Variants in IST1 observed in about 807,000 individuals in gnomAD.
IST1 encodes IST1 factor associated with ESCRT-III.
Under a neutral mutation model 37.0 loss-of-function variants are expected in IST1, and 23 were observed. The ratio of observed to expected loss-of-function variants is 0.62; its 90% CI spans 0.45 to 0.88. The LOEUF (loss-of-function observed/expected upper bound fraction) is 0.88. Among genes scored for constraint, IST1 ranks in the 40% least tolerant of loss-of-function variants. IST1 has a pLI of 0.00. For missense variants in IST1, 488 were observed against 445.4 expected, an observed-to-expected ratio of 1.10 and a Z score of -0.86; for synonymous variants, 180 against 161.7, an observed-to-expected ratio of 1.11 and a Z score of -0.86.
intron 4 of IST1, among the ~76,000 whole-genome samples, chr16:71,919,284 A>C (rs1361576457): frequency 6.6e-6 from 1 of 152,216 alleles, no homozygotes; most frequent in Non-Finnish European, 1.5e-5. Context: ...GGCTGATTGC[A>C]GGCTTGAGAA....
chr16:71,923,892 G>A (rs951729238), intron 8 of IST1, among the ~76,000 whole-genome samples: 4 of 151,870 alleles, frequency 2.6e-5, no homozygotes, highest in Non-Finnish European at 5.9e-5. Context: ...ATAATACCTC[G>A]AACTGTAGGT....
At chr16:71,908,394 A>G (rs2037276870) in intron 1 of IST1, among the ~76,000 whole-genome samples, 1 of 118,332 alleles carries the variant, frequency 8.5e-6, no homozygotes, top group Non-Finnish European at 1.6e-5. Context: ...CCGCCTCCCC[A>G]GTTCAAGCGA....
At chr16:71,906,988 C>T (rs944861453) in intron 1 of IST1, among the ~76,000 whole-genome samples, 1 of 152,046 alleles carries the variant, frequency 6.6e-6, no homozygotes, top group African/African-American at 2.4e-5. Context: ...AGAGATCGTG[C>T]CACTACACTC....
intron 1 of IST1, among the ~76,000 whole-genome samples, chr16:71,904,537 C>T (rs1337316032): frequency 6.6e-6 from 1 of 152,190 alleles, no homozygotes; most frequent in Non-Finnish European, 1.5e-5. Flanking sequence ...TTCAGTCCCC[C>T]CGAGTAGCTG....
At chr16:71,901,549 A>G (rs943067771) in intron 1 of IST1, among the ~76,000 whole-genome samples, 6 of 152,280 alleles carry the variant, frequency 3.9e-5, no homozygotes, top group African/African-American at 1.4e-4. Flanking sequence ...AGTCTGATTT[A>G]TTTAATGTAC....
Position 71,930,774 on chromosome 16 carries a change from G to A in IST1, c.*2961G>A, listed in dbSNP as rs2037924326. The A allele has an allele frequency of 6.6e-6, 1 of 152,016 alleles. No homozygotes were observed. Among genetic ancestry groups the A allele is most frequent in the South Asian group, 2.1e-4 (1 of 4,816 alleles). 9.4% of individuals were successfully genotyped at this position (152,016 alleles called of 1,614,324 possible). A position where few individuals can be genotyped will look rare whatever the true frequency, so the allele number is the denominator to read the frequency against. On this transcript the variant is annotated 3_prime_UTR_variant, in exon 10 of 10. Transcript: ENST00000378799. ...TGGAATGGTTCCCATAACAAAAACTGTTGTTTAAAATTTAGATGTTCTTTT... is the reference window on the plus strand; with the variant it reads ...TGGAATGGTTCCCATAACAAAAACTATTGTTTAAAATTTAGATGTTCTTTT...
chr16:71,923,296 C>A lies in IST1; in HGVS notation c.768C>A (p.Phe256Leu). 1.9e-6 allele frequency: 3 copies of A among 1,607,422 alleles called. No individual in the cohort carries two copies. The highest frequency in any genetic ancestry group is 2.6e-6 in the Non-Finnish European group (3 of 1,174,754). Residue 256 changes from phenylalanine (F) to leucine (L), a missense_variant, in exon 8 of 10, where the codon TTC becomes TTA. Phe to Leu is a conservative substitution (Grantham distance 22). This residue lies in a region of IST1 where 455 missense variants were observed against 386.2 expected (regional missense o/e 1.18). Coordinates refer to ENST00000378799, the MANE Select transcript of IST1 (RefSeq NM_001270975.2). ...SYPLPKGPSD[F>L]NGLPMGTYQA... ...CCTTTCTCCTCTTACAGTCAGATTTCAATGGACTGCCAATGGGGACTTATC... is the reference window on the plus strand; with the variant it reads ...CCTTTCTCCTCTTACAGTCAGATTTAAATGGACTGCCAATGGGGACTTATC...
chr16:71,923,336 A>T lies in IST1; in HGVS notation c.808A>T (p.Ile270Phe). ...GGGGACTTATCAGGCCTTTCCCAAT[A>T]TTCATCCACCTCAGATACCAGCAAC... ...PMGTYQAFPN[I>F]HPPQIPATPP... The change falls in exon 8 of 10, where the codon ATT becomes TTT. Residue 270 changes from isoleucine to phenylalanine, a missense_variant. Around this residue, in one of 2 missense-constraint regions of IST1, gnomAD observed 455 missense variants for 386.2 expected, o/e 1.18. Transcript: ENST00000378799. 6.2e-7 allele frequency: 1 copy of T among 1,613,022 alleles called. No homozygotes were observed. Among genetic ancestry groups the T allele is most frequent in the Non-Finnish European group, 8.5e-7 (1 of 1,179,112 alleles).
chr16:71,930,368 C>A lies in IST1; in HGVS notation c.*2555C>A. On this transcript the variant is annotated 3_prime_UTR_variant, in exon 10 of 10. Transcript: ENST00000378799. The stretch of plus-strand genomic sequence containing the variant: ...AATGGACAGAAGAGCAGGAATGACT[C>A]ATTTTAAGGAGGTTAAGATAATTGT... 2.0e-6 allele frequency: 1 copy of A among 489,696 alleles called. No homozygotes were observed. The allele number at this position is 489,696 out of a possible 1,614,324, so 30.3% of individuals were successfully genotyped here.
Position 71,920,978 on chromosome 16 carries a change from C to T in IST1, c.441+156C>T, listed in dbSNP as rs2303247. On this transcript the variant is annotated intron_variant, in intron 5 of 9. Transcript: ENST00000378799. ...ACAGCTGTGTGGCTGGCAGTGTGGT[C>T]CAATCCTTACACCTGCCCAATTCCT... The T allele has an allele frequency of 3.9e-3, 2,655 of 687,562 alleles. 107 individuals are homozygous for T. In the East Asian group the frequency reaches 0.062, roughly 16 times the overall value. The allele number at this position is 687,562 out of a possible 1,614,324, so 42.6% of individuals were successfully genotyped here. A position where few individuals can be genotyped will look rare whatever the true frequency, so the allele number is the denominator to read the frequency against.
chr16:71,929,506 A>G lies in IST1; in HGVS notation c.*1693A>G, dbSNP rs1332576743. 61 of 1,530,338 alleles carry G rather than the reference A, an allele frequency of 4.0e-5. No individual in the cohort carries two copies. Among genetic ancestry groups the G allele is most frequent in the Non-Finnish European group, 4.7e-5 (53 of 1,138,868 alleles). 94.8% of individuals were successfully genotyped at this position (1,530,338 alleles called of 1,614,324 possible). A position where few individuals can be genotyped will look rare whatever the true frequency, so the allele number is the denominator to read the frequency against. ...TGCAAAGATAAGTAGTAATACGCTA[A>G]TAAATACTAAGCCAAGTAGGAGATA... is the stretch of plus-strand genomic sequence containing the variant. On this transcript the variant is annotated 3_prime_UTR_variant, in exon 10 of 10. Coordinates refer to ENST00000378799, the MANE Select transcript of IST1 (RefSeq NM_001270975.2).
In IST1 at chr16:71,895,554, T is replaced by C. The variant is rs1256744700; in HGVS notation, c.-51T>C. ...CCATTTTGGATGGTGAACCCTGAAG[T>C]CGGTGTCTGCTGCGTTCACGGCAGG... On this transcript the variant is annotated 5_prime_UTR_variant, in exon 1 of 10. Transcript: ENST00000378799. The C allele has an allele frequency of 1.0e-6, 1 of 985,502 alleles. No individual in the cohort carries two copies. 61.0% of individuals were successfully genotyped at this position (985,502 alleles called of 1,614,324 possible).
At chr16:71,903,898 C>T (rs2037163513) in intron 1 of IST1, among the ~76,000 whole-genome samples, 1 of 152,120 alleles carries the variant, frequency 6.6e-6, no homozygotes, top group Non-Finnish European at 1.5e-5. Context: ...ATGTTGAAGC[C>T]TCTAACTATA....
At chr16:71,922,739 T>G in intron 7 of IST1, 59 bp downstream of exon 7, 1 of 1,381,702 alleles carries the variant, frequency 7.2e-7, no homozygotes, top group Non-Finnish European at 1.0e-6. Flanking sequence ...ACAAGTTGGC[T>G]CTGTGAACAC....
At chr16:71,917,262 T>C (rs1285055087) in intron 4 of IST1, 128 bp downstream of exon 4, 3 of 574,572 alleles carry the variant, frequency 5.2e-6, no homozygotes, top group East Asian at 3.0e-5. Context: ...TGAAATAGGT[T>C]TTGTAAATTT....
At position 71,927,838 on chromosome 16, in the gene IST1, C is replaced by A. The variant is rs745753141; in HGVS notation, c.*25C>A. ...GGTCTCTTAAACCAGGCAACTTTCA[C>A]GTTTTGGGAGTTGAGACTGAGCAAT... On this transcript the variant is annotated 3_prime_UTR_variant, in exon 10 of 10. Coordinates refer to ENST00000378799, the MANE Select transcript of IST1 (RefSeq NM_001270975.2). 2 of 1,567,726 alleles carry A rather than the reference C, an allele frequency of 1.3e-6. No individual in the cohort carries two copies. The highest frequency in any genetic ancestry group is 8.8e-7 in the Non-Finnish European group (1 of 1,140,514).
At chr16:71,923,766 T>C (rs2037668613) in intron 8 of IST1, among the ~76,000 whole-genome samples, 1 of 152,194 alleles carries the variant, frequency 6.6e-6, no homozygotes, top group African/African-American at 2.4e-5. Context: ...TCTCAACACA[T>C]GTAAAGGAAG....
rs922865153 is a variant in IST1 at position 71,930,126 on chromosome 16, T to A, written c.*2313T>A. The A allele has an allele frequency of 1.9e-6, 3 of 1,551,486 alleles. No individual in the cohort carries two copies. The highest frequency in any genetic ancestry group is 1.7e-4 in the Middle Eastern group (1 of 6,016). On this transcript the variant is annotated 3_prime_UTR_variant, in exon 10 of 10. Coordinates refer to ENST00000378799, the MANE Select transcript of IST1 (RefSeq NM_001270975.2). ...AAAAGATTAATTACCACAAGTACCA[T>A]CAAGATGACACTGGTGAGGATCAGA...
At chr16:71,921,081 G>A (rs2142581878) in intron 5 of IST1, 1 of 600,790 alleles carries the variant, frequency 1.7e-6, no homozygotes, top group Middle Eastern at 4.1e-4. Context: ...AGTGAGGTGG[G>A]GAGAAGGGTG....
Sources: gnomAD v4.1 joint callset for allele counts (sites outside exome capture counted in the v4.1 genomes callset) on GRCh38, gnomAD v4.1.1 for gene constraint, gnomAD v4.1.1 regional missense constraint, MANE v1.5 for transcripts, NCBI Gene and HGNC (gene_info 2026-07-23, HGNC 2026-07-21) for gene names.